Variants in RALGAPA2 observed in about 807,000 individuals in gnomAD.
RALGAPA2 encodes Ral GTPase activating protein catalytic subunit alpha 2.
RALGAPA2 carries 139 observed loss-of-function variants against 230.4 expected under a neutral mutation model. The ratio of observed to expected loss-of-function variants is 0.60; its 90% CI spans 0.53 to 0.69. The LOEUF (loss-of-function observed/expected upper bound fraction) is 0.69, where lower values mean the gene tolerates loss of function less well. Among genes scored for constraint, RALGAPA2 ranks in the 30% least tolerant of loss-of-function variants. The pLI is 0.00. For missense variants in RALGAPA2, 2,163 were observed against 2,276.0 expected (o/e 0.95, Z 1.01); for synonymous variants, 847 against 837.8 (o/e 1.01, Z -0.19).
intron 31 of RALGAPA2, among the ~76,000 whole-genome samples, chr20:20,516,020 C>A (rs1370937084): frequency 2.0e-5 from 3 of 152,160 alleles, no homozygotes; most frequent in Non-Finnish European, 4.4e-5. Flanking sequence ...GGGAGTGAGA[C>A]CGGCCTTGCC....
chr20:20,534,684 T>C (rs1295441393), intron 26 of RALGAPA2, among the ~76,000 whole-genome samples: 1 of 152,134 alleles, frequency 6.6e-6, no homozygotes, highest in African/African-American at 2.4e-5. Context: ...GTCTACTAAA[T>C]ACTCAAGAAT....
At chr20:20,654,048 A>G (rs1298656304) in intron 3 of RALGAPA2, among the ~76,000 whole-genome samples, 2 of 152,224 alleles carry the variant, frequency 1.3e-5, no homozygotes, top group African/African-American at 4.8e-5. Context: ...CAACTCAGTG[A>G]GACAAGAAAA....
Position 20,571,836 on chromosome 20 carries a change from A to G in RALGAPA2, c.3000+12T>C. On this transcript the variant is annotated intron_variant, in intron 22 of 39. Transcript: ENST00000202677. ...GAAATCGCAATAAAGGAATAAACAC[A>G]TATCCACTTGCCTTAAACAGCCATG... 1 of 1,589,482 alleles carries G rather than the reference A, an allele frequency of 6.3e-7. No individual in the cohort carries two copies. Among genetic ancestry groups the G allele is most frequent in the Non-Finnish European group, 8.6e-7 (1 of 1,160,392 alleles).
chr20:20,662,103 G>A (rs2067801684), intron 3 of RALGAPA2, among the ~76,000 whole-genome samples: 1 of 152,126 alleles, frequency 6.6e-6, no homozygotes, highest in African/African-American at 2.4e-5. Context: ...TAGCAAGACT[G>A]GTTTAACAGC....
chr20:20,697,077 A>G (rs1459604613), intron 1 of RALGAPA2, among the ~76,000 whole-genome samples: 10 of 152,166 alleles, frequency 6.6e-5, no homozygotes, highest in African/African-American at 2.4e-4. Flanking sequence ...TGAAAGTCCC[A>G]TAAGTGCTAG....
chr20:20,580,621 AC>A (rs1259816487), intron 20 of RALGAPA2, among the ~76,000 whole-genome samples: 1 of 152,002 alleles, frequency 6.6e-6, no homozygotes, highest in Non-Finnish European at 1.5e-5. Context: ...TCCCTGCATG[AC>A]CCCTGTTTCC....
rs753754504 is a variant in RALGAPA2, at chr20:20,573,045, C to A, written c.2731G>T (p.Asp911Tyr). 1.2e-6 allele frequency: 2 copies of A among 1,608,300 alleles called. No individual in the cohort carries two copies. The highest frequency in any genetic ancestry group is 1.7e-6 in the Non-Finnish European group (2 of 1,177,252). Residue 911 changes from aspartate (D) to tyrosine (Y), a missense_variant, in exon 21 of 40, where the codon GAC becomes TAC. Coordinates refer to ENST00000202677, the MANE Select transcript of RALGAPA2 (RefSeq NM_020343.4). ...CTCCCCCCGGCGATTATACTACAGT[C>A]ATCTGTGAGGCACTCGCTGCTATCT... ...LTDSSECLTD[D>Y]CSIIAGGSLT...
intron 26 of RALGAPA2, 73 bp from the exon 27 acceptor site, chr20:20,531,868 A>T (rs2063378021): frequency 1.8e-6 from 2 of 1,112,078 alleles, no homozygotes; most frequent in Admixed American, 4.1e-5. Context: ...TTCAAATAAC[A>T]AAACACTTTA....
At chr20:20,669,628 C>A (rs192073039) in intron 3 of RALGAPA2, among the ~76,000 whole-genome samples, 1 of 152,172 alleles carries the variant, frequency 6.6e-6, no homozygotes, top group African/African-American at 2.4e-5. Flanking sequence ...CTTGCCCATT[C>A]CTTCCTGCAA....
At chr20:20,690,759 GC>G (rs1054095751) in intron 1 of RALGAPA2, among the ~76,000 whole-genome samples, 4 of 151,674 alleles carry the variant, frequency 2.6e-5, no homozygotes, top group African/African-American at 7.3e-5. Context: ...GAGATAGGTG[GC>G]CCCCTTGCTC....
In RALGAPA2 at chr20:20,616,054, A is replaced by G; in HGVS notation, c.1677T>C (p.Asn559=). Residue 559 remains asparagine (N), a synonymous_variant, in exon 13 of 40, where the codon AAT becomes AAC. Transcript: ENST00000202677. ...FRRMIMELTM[N]KKTWEQMLQI... ...TGATATAAACTTACCATGTCTTTTT[A>G]TTCATTGTAAGCTCCATTATCATGC... 6.6e-7 allele frequency: 1 copy of G among 1,507,966 alleles called. No homozygotes were observed. Among genetic ancestry groups the G allele is most frequent in the Non-Finnish European group, 8.9e-7 (1 of 1,129,498 alleles). The allele number at this position is 1,507,966 out of a possible 1,614,324, so 93.4% of individuals were successfully genotyped here.
chr20:20,570,193 A>G lies in RALGAPA2; in HGVS notation c.3156+1265T>C, dbSNP rs577413979. Among the ~76,000 whole-genome samples the G allele has an allele frequency of 7.2e-5, 11 of 152,246 alleles. No individual in the cohort carries two copies. In the South Asian group the frequency reaches 2.3e-3, roughly 32 times the overall value. On this transcript the variant is annotated intron_variant, in intron 23 of 39. Transcript: ENST00000202677. ...ATGGATGTCCTCTATACACTGCTAA[A>G]ATCACAATGAATATGACAGACTACT...
In RALGAPA2 at chr20:20,647,653, C is replaced by A. The variant is rs572024220; in HGVS notation, c.329-4104G>T. Among the ~76,000 whole-genome samples, 7 of 151,704 alleles carry A rather than the reference C, an allele frequency of 4.6e-5. No individual in the cohort carries two copies. In the East Asian group the frequency reaches 1.4e-3, roughly 29 times the overall value. ...TTAAAAACTTCAACTTTTCCAAAGA[C>A]ACTATTAAGGGAATGAAAAGACAAG... On this transcript the variant is annotated intron_variant, in intron 4 of 39. Transcript: ENST00000202677.
rs1464212992 is a variant in RALGAPA2, at chr20:20,505,495, T to C, written c.4968A>G (p.Glu1656=). The change falls in exon 34 of 40, where the codon GAA becomes GAG. Residue 1656 remains glutamate (E), a synonymous_variant. Transcript: ENST00000202677. ...THKIAVFYIA[E]GQEDKCSILS... ...GGATTGAACACTTGTCTTCTTGACCTTCAGCAATGTAAAACACTGCGATTT... is the reference window on the plus strand; with the variant it reads ...GGATTGAACACTTGTCTTCTTGACCCTCAGCAATGTAAAACACTGCGATTT... 1.9e-6 allele frequency: 3 copies of C among 1,605,358 alleles called. No individual in the cohort carries two copies. The highest frequency in any genetic ancestry group is 2.6e-6 in the Non-Finnish European group (3 of 1,175,168).
At chr20:20,608,490 GA>G (rs140316503) in intron 14 of RALGAPA2, among the ~76,000 whole-genome samples, 1,672 of 147,578 alleles carry the variant, frequency 0.011, 26 homozygotes, top group African/African-American at 0.04. Context: ...TCTACTGACA[GA>G]AAAAAAAACA....
chr20:20,602,422 C>G (rs1473278293), intron 15 of RALGAPA2, among the ~76,000 whole-genome samples: 4 of 152,152 alleles, frequency 2.6e-5, no homozygotes, highest in Non-Finnish European at 1.5e-5. Context: ...TTTTATTTTT[C>G]CTCATATTGT....
In RALGAPA2 at chr20:20,712,634, G is replaced by A; in HGVS notation, c.-154C>T. On this transcript the variant is annotated 5_prime_UTR_variant, in exon 1 of 40. Transcript: ENST00000202677. This position sits in a 1 kb window ranked among gnomAD's most constrained non-coding sequence, Gnocchi z 5.5. ...CGCCGCCGCCGCCGCCGCCGCCTCA[G>A]CTGTGTCTCCAGGAAGGAGGGGCGG... 8.5e-7 allele frequency: 1 copy of A among 1,176,052 alleles called. No individual in the cohort carries two copies. Among genetic ancestry groups the A allele is most frequent in the Admixed American group, 4.7e-5 (1 of 21,466 alleles). 72.9% of individuals were successfully genotyped at this position (1,176,052 alleles called of 1,614,324 possible). A position where few individuals can be genotyped will look rare whatever the true frequency, so the allele number is the denominator to read the frequency against.
chr20:20,625,869 T>C (rs780870405), intron 10 of RALGAPA2, among the ~76,000 whole-genome samples: 15 of 152,160 alleles, frequency 9.9e-5, no homozygotes, highest in Non-Finnish European at 1.8e-4. Flanking sequence ...TGGCAGCAGA[T>C]GAGGGATACC....
intron 10 of RALGAPA2, among the ~76,000 whole-genome samples, chr20:20,623,252 G>A (rs898013854): frequency 6.6e-6 from 1 of 152,014 alleles, no homozygotes; most frequent in Non-Finnish European, 1.5e-5. Flanking sequence ...ACATATGGAC[G>A]GGGGAGGCTG....
Sources: gnomAD v4.1 joint callset for allele counts (sites outside exome capture counted in the v4.1 genomes callset) on GRCh38, gnomAD v4.1.1 for gene constraint, Gnocchi (gnomAD v3.1) non-coding constraint, MANE v1.5 for transcripts, NCBI Gene and HGNC (gene_info 2026-07-23, HGNC 2026-07-21) for gene names.